Variants in RARG observed in about 807,000 individuals in gnomAD.
RARG encodes RAR-gamma.
In RARG, 17 loss-of-function variants were observed where a neutral mutation model predicts 43.7. The ratio of observed to expected loss-of-function variants is 0.39; its 90% CI spans 0.27 to 0.58. The LOEUF (loss-of-function observed/expected upper bound fraction) is 0.58. Among genes scored for constraint, RARG ranks in the 20% least tolerant of loss-of-function variants. RARG has a pLI of 0.57. For synonymous variants in RARG, 238 were observed against 236.4 expected, an observed-to-expected ratio of 1.01 and a Z score of -0.06; for missense variants, 346 against 598.7, an observed-to-expected ratio of 0.58 and a Z score of 4.40.
At chr12:53,220,457 T>C in intron 3 of RARG, 1 of 693,292 alleles carries the variant, frequency 1.4e-6, no homozygotes, top group South Asian at 2.8e-5. Flanking sequence ...AAGCTGAGAG[T>C]GGAGCGCACA....
chr12:53,213,288 G>C lies in RARG; in HGVS notation c.1019-45C>G, dbSNP rs769242563. ...GGAGTGAGAGGGGAAGGAAGAGATG[G>C]GGAAGACACAGTGACAGATGGCTGA... On this transcript the variant is annotated intron_variant, in intron 8 of 9. Coordinates refer to ENST00000425354, the MANE Select transcript of RARG (RefSeq NM_000966.6). The surrounding 1 kb of genome is among the most constrained non-coding windows in gnomAD (Gnocchi z 4.7). The C allele has an allele frequency of 4.6e-6, 7 of 1,518,330 alleles. No homozygotes were observed. Among genetic ancestry groups the C allele is most frequent in the Admixed American group, 1.7e-5 (1 of 57,716 alleles). 94.1% of individuals were successfully genotyped at this position (1,518,330 alleles called of 1,614,324 possible).
rs1255129170 is a variant in RARG, at chr12:53,213,989, T to C, written c.813+70A>G. 1.7e-5 allele frequency: 26 copies of C among 1,503,004 alleles called. No individual in the cohort carries two copies. The South Asian group carries it at 2.7e-4, about 16-fold the overall frequency. The allele number at this position is 1,503,004 out of a possible 1,614,324, so 93.1% of individuals were successfully genotyped here. On this transcript the variant is annotated intron_variant, in intron 7 of 9. Transcript: ENST00000425354. This position sits in a 1 kb window ranked among gnomAD's most constrained non-coding sequence, Gnocchi z 4.7. ...GGTGCAGGGTAAGGAAATCTTTGCA[T>C]GGATCAAGGAATTGTTGAGGGTCCC...
intron 3 of RARG, among the ~76,000 whole-genome samples, chr12:53,226,178 G>A (rs1943103148): frequency 6.6e-6 from 1 of 152,196 alleles, no homozygotes; most frequent in Non-Finnish European, 1.5e-5. Flanking sequence ...GCCCAGGCTA[G>A]AGTGCAGTGG....
chr12:53,217,688 C>T (rs919722166), intron 3 of RARG, among the ~76,000 whole-genome samples: 2 of 152,228 alleles, frequency 1.3e-5, no homozygotes, highest in African/African-American at 2.4e-5. Context: ...TCCCCAGACT[C>T]GGGCTTAGAC....
intron 2 of RARG, chr12:53,230,034 G>A: frequency 3.2e-6 from 3 of 925,288 alleles, no homozygotes; most frequent in Non-Finnish European, 3.9e-6. Context: ...TCCCATTTCT[G>A]AGCCTTGGTT....
chr12:53,216,376 C>T (rs1942760906), intron 3 of RARG, among the ~76,000 whole-genome samples: 1 of 152,184 alleles, frequency 6.6e-6, no homozygotes, highest in Non-Finnish European at 1.5e-5. Flanking sequence ...GGGGGGATAA[C>T]TCCTCAGGCT....
At position 53,227,339 on chromosome 12, in the gene RARG, T is replaced by TC. The variant is rs1943132859; in HGVS notation, c.184+22dup. 6.7e-7 allele frequency: 1 copy of TC among 1,503,650 alleles called. No homozygotes were observed. Among genetic ancestry groups the TC allele is most frequent in the African/African-American group, 1.4e-5 (1 of 70,270 alleles). The allele number at this position is 1,503,650 out of a possible 1,614,324, so 93.1% of individuals were successfully genotyped here. A position where few individuals can be genotyped will look rare whatever the true frequency, so the allele number is the denominator to read the frequency against. ...CCTTCTTGTTAACATTTGCCTTCAT[T>TC]CCCCAAGATCCCTGAGACTCACACA... On this transcript the variant is annotated intron_variant, in intron 3 of 9. Transcript: ENST00000425354. This position sits in a 1 kb window ranked among gnomAD's most constrained non-coding sequence, Gnocchi z 4.3.
intron 2 of RARG, among the ~76,000 whole-genome samples, chr12:53,228,854 G>A (rs1286987895): frequency 3.9e-5 from 6 of 152,260 alleles, no homozygotes; most frequent in Admixed American, 1.3e-4. Context: ...GATTACAGGC[G>A]TGAGCGACAC....
At chr12:53,226,005 G>A (rs904157118) in intron 3 of RARG, among the ~76,000 whole-genome samples, 4 of 152,202 alleles carry the variant, frequency 2.6e-5, no homozygotes, top group African/African-American at 9.7e-5. Context: ...TACCTCCTTT[G>A]CAGTCATTTC....
chr12:53,213,039 C>CA lies in RARG; in HGVS notation c.1177+45dup. On this transcript the variant is annotated intron_variant, in intron 9 of 9. Coordinates refer to ENST00000425354, the MANE Select transcript of RARG (RefSeq NM_000966.6). This position sits in a 1 kb window ranked among gnomAD's most constrained non-coding sequence, Gnocchi z 4.7. ...TGTCCTCCTGTCCGACCTGGGAGAC[C>CA]AACAGCCCTGGGAAGACAGAGAGGG... 1 of 1,561,754 alleles carries CA rather than the reference C, an allele frequency of 6.4e-7. No individual in the cohort carries two copies. Among genetic ancestry groups the CA allele is most frequent in the Admixed American group, 1.8e-5 (1 of 54,638 alleles).
At chr12:53,214,959 A>G in intron 5 of RARG, 1 of 398,358 alleles carries the variant, frequency 2.5e-6, no homozygotes, top group Non-Finnish European at 4.5e-6. Context: ...GGAGAGGAGG[A>G]GCCACCCCAT....
In RARG at chr12:53,214,485, C is replaced by T; in HGVS notation, c.597G>A (p.Glu199=). ...CCAGCTGGCAGAGCGAGGGGAAAGT[C>T]TCCTGATGGGCTTTGCTGACCTTGG... ...LITKVSKAHQ[E]TFPSLCQLGK... is the part of the protein sequence containing the mutation. The change falls in exon 6 of 10, where the codon GAG becomes GAA. Residue 199 remains glutamate (E), a synonymous_variant. Transcript: ENST00000425354. 1 of 1,613,780 alleles carries T rather than the reference C, an allele frequency of 6.2e-7. No individual in the cohort carries two copies. Among genetic ancestry groups the T allele is most frequent in the Non-Finnish European group, 8.5e-7 (1 of 1,179,690 alleles).
rs1294527822 is a variant in RARG at position 53,232,028 on chromosome 12, A to C, written c.-264T>G. The C allele has an allele frequency of 2.5e-6, 1 of 397,678 alleles. No individual in the cohort carries two copies. The highest frequency in any genetic ancestry group is 4.4e-6 in the Non-Finnish European group (1 of 225,568). The allele number at this position is 397,678 out of a possible 1,614,324, so 24.6% of individuals were successfully genotyped here. A position where few individuals can be genotyped will look rare whatever the true frequency, so the allele number is the denominator to read the frequency against. ...GAGCCCCGAGGTCCCGGCGTCGGGC[A>C]GTCTCTTGGATGGAGCGTCGCAATG... On this transcript the variant is annotated 5_prime_UTR_variant, in exon 1 of 10. Transcript: ENST00000425354.
intron 3 of RARG, among the ~76,000 whole-genome samples, chr12:53,225,922 T>C (rs2120723045): frequency 6.6e-6 from 1 of 152,256 alleles, no homozygotes; most frequent in South Asian, 2.1e-4. Context: ...GGAGCCCAGA[T>C]CCACATCGCT....
Position 53,211,694 on chromosome 12 carries a change from G to A in RARG, c.1347C>T (p.Gly449=), listed in dbSNP as rs775199905. ...GCCCTGGTCAGGCTGGGGACTTCAG[G>A]CCCCCTTTGCCCTGGCCCCCAGGAA... The part of the protein sequence containing the change: ...DEVPGGQGKG[G]LKSPA The change falls in exon 10 of 10, where the codon GGC becomes GGT. Residue 449 remains glycine, a synonymous_variant. Transcript: ENST00000425354. The surrounding 1 kb of genome is among the most constrained non-coding windows in gnomAD (Gnocchi z 4.6). 2 of 1,537,224 alleles carry A rather than the reference G, an allele frequency of 1.3e-6. No homozygotes were observed. The highest frequency in any genetic ancestry group is 2.5e-5 in the East Asian group (1 of 39,748).
rs1314269952 is a variant in RARG, at chr12:53,227,689, T to C, written c.-142-2A>G. Reference sequence around the variant, plus strand: ...CTGCCCACTGGGCCTCCAAAAGTCCTAGGGAGAAAGAGAGAGAAAGGAGAG... The same window carrying C: ...CTGCCCACTGGGCCTCCAAAAGTCCCAGGGAGAAAGAGAGAGAAAGGAGAG... On this transcript the variant is annotated splice_acceptor_variant, in intron 2 of 9. Coordinates refer to ENST00000425354, the MANE Select transcript of RARG (RefSeq NM_000966.6). LOFTEE classifies it low-confidence loss of function (5UTR_SPLICE). This position sits in a 1 kb window ranked among gnomAD's most constrained non-coding sequence, Gnocchi z 4.3. The C allele has an allele frequency of 1.5e-6, 2 of 1,292,054 alleles. No individual in the cohort carries two copies. Among genetic ancestry groups the C allele is most frequent in the Non-Finnish European group, 2.0e-6 (2 of 1,007,636 alleles). The allele number at this position is 1,292,054 out of a possible 1,614,324, so 80.0% of individuals were successfully genotyped here. A position where few individuals can be genotyped will look rare whatever the true frequency, so the allele number is the denominator to read the frequency against.
intron 2 of RARG, among the ~76,000 whole-genome samples, chr12:53,228,098 C>T (rs1376592174): frequency 6.6e-6 from 1 of 152,154 alleles, no homozygotes; most frequent in Admixed American, 6.5e-5. Flanking sequence ...CACATGGCTG[C>T]AAGTGGGGGA....
At position 53,215,465 on chromosome 12, in the gene RARG, G is replaced by T. The variant is rs747416410; in HGVS notation, c.334-31C>A. On this transcript the variant is annotated intron_variant, in intron 4 of 9. Coordinates refer to ENST00000425354, the MANE Select transcript of RARG (RefSeq NM_000966.6). The surrounding 1 kb of genome is among the most constrained non-coding windows in gnomAD (Gnocchi z 6.4). ...GTTGAGGGAAAGAGAGAGGGCCTCT[G>T]AAGCACAATGCTGGGAGTACCAGCC... The T allele has an allele frequency of 6.2e-7, 1 of 1,613,350 alleles. No homozygotes were observed. Among genetic ancestry groups the T allele is most frequent in the Admixed American group, 1.7e-5 (1 of 60,014 alleles).
At chr12:53,220,108 C>T (rs1237396321) in intron 3 of RARG, 5 of 1,550,264 alleles carry the variant, frequency 3.2e-6, no homozygotes, top group Non-Finnish European at 4.4e-6. Context: ...CATCGCGACC[C>T]GGCTTGAAGG....
Sources: allele counts gnomAD v4.1 joint callset (sites outside exome capture counted in the v4.1 genomes callset), GRCh38; gene constraint gnomAD v4.1.1; non-coding constraint Gnocchi (gnomAD v3.1); transcripts MANE v1.5; gene names NCBI Gene and HGNC (gene_info 2026-07-23, HGNC 2026-07-21).